Variants in BCR observed in about 807,000 individuals in gnomAD.
BCR encodes breakpoint cluster region protein.
In BCR, 58 loss-of-function variants were observed where a neutral mutation model predicts 138.6. That is an observed-to-expected ratio of 0.42 (90% CI 0.34 to 0.52). The LOEUF is 0.52. BCR is among the 20% of genes least tolerant of loss of function. The pLI is 0.06. For synonymous variants in BCR, 786 were observed against 730.1 expected, an observed-to-expected ratio of 1.08 and a Z score of -1.23; for missense variants, 1,599 against 1,727.2, an observed-to-expected ratio of 0.93 and a Z score of 1.32.
intron 1 of BCR, among the ~76,000 whole-genome samples, chr22:23,249,539 A>C (rs922108318): frequency 1.3e-5 from 2 of 152,040 alleles, no homozygotes; most frequent in African/African-American, 4.8e-5. Context: ...GTGAGCTGTG[A>C]TCACTCCACT....
intron 1 of BCR, among the ~76,000 whole-genome samples, chr22:23,232,733 G>A (rs1233803589): frequency 1.3e-5 from 2 of 152,232 alleles, no homozygotes; most frequent in East Asian, 3.9e-4. Flanking sequence ...CTTCAGGTGA[G>A]ATGGCAGGAT....
intron 8 of BCR, among the ~76,000 whole-genome samples, chr22:23,281,575 CA>C (rs2073645700): frequency 6.6e-6 from 1 of 151,968 alleles, no homozygotes; most frequent in Non-Finnish European, 1.5e-5. Context: ...GGAGGGCAGG[CA>C]GGGGCCGAGT....
chr22:23,236,966 A>G (rs1050037826), intron 1 of BCR, among the ~76,000 whole-genome samples: 21 of 152,316 alleles, frequency 1.4e-4, no homozygotes, highest in Middle Eastern at 6.8e-3. Context: ...GATTGAGCCA[A>G]GCTGTTATTC....
intron 1 of BCR, among the ~76,000 whole-genome samples, chr22:23,229,667 T>G (rs1033397481): frequency 9.9e-5 from 15 of 152,228 alleles, no homozygotes; most frequent in Admixed American, 9.2e-4. Flanking sequence ...ATGTGCAGTT[T>G]AGGGGTGAGC....
intron 4 of BCR, among the ~76,000 whole-genome samples, chr22:23,267,776 GATCT>G (rs2073460956): frequency 6.6e-6 from 1 of 152,204 alleles, no homozygotes; most frequent in South Asian, 2.1e-4. Context: ...GCAGTGAGGA[GATCT>G]ATTATTGCCA....
intron 1 of BCR, among the ~76,000 whole-genome samples, chr22:23,193,383 C>A (rs1003690845): frequency 6.6e-6 from 1 of 152,236 alleles, no homozygotes; most frequent in African/African-American, 2.4e-5. Context: ...TTGGGGGCTT[C>A]GTGGGAGTAG....
intron 18 of BCR, among the ~76,000 whole-genome samples, 153 bp from the exon 19 acceptor site, chr22:23,311,544 A>G (rs1425677577): frequency 1.3e-5 from 2 of 152,118 alleles, no homozygotes; most frequent in African/African-American, 2.4e-5. Context: ...GAGGGAGGAC[A>G]GGCATGCAGA....
At position 23,304,099 on chromosome 22, in the gene BCR, A is replaced by ATTT. The variant is rs56805241; in HGVS notation, c.3013-5303_3013-5301dup. Among the ~76,000 whole-genome samples the ATTT allele has an allele frequency of 4.5e-3, 457 of 102,112 alleles. 13 individuals are homozygous for ATTT. Among genetic ancestry groups the ATTT allele is most frequent in the African/African-American group, 0.014 (354 of 25,246 alleles). The allele number at this position is 102,112 out of a possible 152,430, so 67.0% of individuals were successfully genotyped here. On this transcript the variant is annotated intron_variant, in intron 16 of 22. Transcript: ENST00000305877. ...CAGGCATGCGCCACCATGCCAGGCTATTTTTTTTTTTTTTTTTTTTTTTTG... is the reference window on the plus strand; with the variant it reads ...CAGGCATGCGCCACCATGCCAGGCTATTTTTTTTTTTTTTTTTTTTTTTTTTTG...
At chr22:23,308,220 T>C (rs950834900) in intron 16 of BCR, among the ~76,000 whole-genome samples, 1 of 152,104 alleles carries the variant, frequency 6.6e-6, no homozygotes, top group Non-Finnish European at 1.5e-5. Flanking sequence ...CAGAACTACC[T>C]GGGGTTTCTA....
At chr22:23,268,590 A>G in intron 5 of BCR, 75 bp downstream of exon 5, 2 of 1,244,498 alleles carry the variant, frequency 1.6e-6, no homozygotes, top group South Asian at 2.6e-5. Flanking sequence ...AGGAGAACAG[A>G]GTGCACCAGA....
At chr22:23,240,865 C>G (rs1352409341) in intron 1 of BCR, among the ~76,000 whole-genome samples, 1 of 152,124 alleles carries the variant, frequency 6.6e-6, no homozygotes, top group African/African-American at 2.4e-5. Flanking sequence ...CTCACAACCC[C>G]CTTTCTACTT....
At chr22:23,223,177 G>T (rs561451087) in intron 1 of BCR, among the ~76,000 whole-genome samples, 2 of 152,286 alleles carry the variant, frequency 1.3e-5, no homozygotes, top group South Asian at 4.1e-4. Flanking sequence ...TTGGTGGGGG[G>T]TACAGTATTA....
intron 4 of BCR, chr22:23,262,943 C>T: frequency 2.8e-6 from 3 of 1,083,384 alleles, no homozygotes; most frequent in African/African-American, 1.7e-5. Context: ...GAGGCGGAAG[C>T]GTGGAGGAAG....
At chr22:23,196,187 A>G (rs2072479319) in intron 1 of BCR, among the ~76,000 whole-genome samples, 1 of 152,170 alleles carries the variant, frequency 6.6e-6, no homozygotes, top group Non-Finnish European at 1.5e-5. Flanking sequence ...GGCAGAGTTG[A>G]TGGGAAAACA....
chr22:23,266,883 G>C (rs981160562), intron 4 of BCR, among the ~76,000 whole-genome samples: 1 of 152,182 alleles, frequency 6.6e-6, no homozygotes, highest in Non-Finnish European at 1.5e-5. Flanking sequence ...TGGAAGATGT[G>C]AGCTCCTGGA....
chr22:23,180,672 C>G lies in BCR; in HGVS notation c.-289C>G, dbSNP rs1359053742. On this transcript the variant is annotated 5_prime_UTR_variant, in exon 1 of 23. Coordinates refer to ENST00000305877, the MANE Select transcript of BCR (RefSeq NM_004327.4). ...GCCGTGGCCAGAGTCTGGCGGCGGC[C>G]TGGCGGAGCGGAGAGCAGCGCCCGC... 1 of 153,276 alleles carries G rather than the reference C, an allele frequency of 6.5e-6. No individual in the cohort carries two copies. The highest frequency in any genetic ancestry group is 1.4e-5 in the Non-Finnish European group (1 of 69,984). 9.5% of individuals were successfully genotyped at this position (153,276 alleles called of 1,614,324 possible).
intron 1 of BCR, among the ~76,000 whole-genome samples, chr22:23,210,773 GATAATGCATTTGAAATTC>G (rs1421192057): frequency 6.6e-5 from 10 of 152,248 alleles, no homozygotes; most frequent in Non-Finnish European, 4.4e-5. Context: ...TTTTCACTTT[GATAATGCATTTGAAATTC>G]ATGCAAGTTG....
intron 1 of BCR, among the ~76,000 whole-genome samples, chr22:23,186,843 C>G (rs1601990763): frequency 6.6e-6 from 1 of 152,186 alleles, no homozygotes; most frequent in South Asian, 2.1e-4. Context: ...GTTCAGGATT[C>G]TCCTGCTTCA....
rs754527313 is a variant in BCR at position 23,199,300 on chromosome 22, T to C, written c.1279+17061T>C. On this transcript the variant is annotated intron_variant, in intron 1 of 22. Coordinates refer to ENST00000305877, the MANE Select transcript of BCR (RefSeq NM_004327.4). The stretch of plus-strand genomic sequence containing the variant: ...CTAGAAAGGAATGTCTGAGGAAGCA[T>C]CGGAGACTGGGTCCCGCCATGCCTG... 6 of 518,856 alleles carry C rather than the reference T, an allele frequency of 1.2e-5. No homozygotes were observed. The Admixed American group carries it at 1.2e-4, about 10-fold the overall frequency. The allele number at this position is 518,856 out of a possible 1,614,324, so 32.1% of individuals were successfully genotyped here.
Sources: gnomAD v4.1 joint callset for allele counts (sites outside exome capture counted in the v4.1 genomes callset) on GRCh38, gnomAD v4.1.1 for gene constraint, MANE v1.5 for transcripts, NCBI Gene and HGNC (gene_info 2026-07-23, HGNC 2026-07-21) for gene names.